The following SUMF1 variants were observed in gnomAD, a reference collection of about 807,000 sequenced individuals.
SUMF1 encodes the protein formylglycine-generating enzyme.
A neutral mutation model predicts 47.6 loss-of-function variants in SUMF1; 48 were observed. That is an observed-to-expected ratio of 1.01 (90% CI 0.80 to 1.28). The LOEUF is 1.28. SUMF1 is among the 50% of genes most tolerant of loss of function. SUMF1 has a pLI of 0.00. For synonymous variants in SUMF1, 230 were observed against 192.1 expected, an observed-to-expected ratio of 1.20 and a Z score of -1.63; for missense variants, 571 against 485.4, an observed-to-expected ratio of 1.18 and a Z score of -1.66.
At chr3:4,263,734 C>A (rs1454474046) in intron 8 of SUMF1, among the ~76,000 whole-genome samples, 4 of 152,170 alleles carry the variant, frequency 2.6e-5, no homozygotes, top group Non-Finnish European at 5.9e-5. Context: ...TTATTAAGTT[C>A]TCTTAATACT....
chr3:4,268,007 C>A (rs554094692), intron 8 of SUMF1, among the ~76,000 whole-genome samples: 24 of 151,978 alleles, frequency 1.6e-4, no homozygotes, highest in African/African-American at 5.8e-4. Context: ...CAATGATAGA[C>A]TGGATTAAGA....
rs1696931536 is a variant in SUMF1 at position 4,255,581 on chromosome 3, T to C, written c.1014+120749A>G. ...AAGAGCTAACTATCCTAAATATATA[T>C]GCACCCAACACAGGAGCACCCAGAT... On this transcript the variant is annotated intron_variant and NMD_transcript_variant, in intron 8 of 12. Transcript: ENST00000448413. Among the ~76,000 whole-genome samples the C allele has an allele frequency of 2.4e-5, 2 of 83,888 alleles. 1 individual carries two copies. Among genetic ancestry groups the C allele is most frequent in the Non-Finnish European group, 4.8e-5 (2 of 41,390 alleles). The allele number at this position is 83,888 out of a possible 152,430, so 55.0% of individuals were successfully genotyped here. A position where few individuals can be genotyped will look rare whatever the true frequency, so the allele number is the denominator to read the frequency against.
chr3:4,240,396 G>A (rs747423743), intron 8 of SUMF1, among the ~76,000 whole-genome samples: 15 of 151,776 alleles, frequency 9.9e-5, no homozygotes, highest in East Asian at 1.9e-4. Context: ...GGTCCTGGGC[G>A]TTTCTTGGAT....
Position 4,108,538 on chromosome 3 carries a change from T to C in SUMF1, c.1015-39793A>G, listed in dbSNP as rs540370823. Among the ~76,000 whole-genome samples, 51 of 152,222 alleles carry C rather than the reference T, an allele frequency of 3.4e-4. No individual in the cohort carries two copies. The East Asian group carries it at 9.1e-3, about 27-fold the overall frequency. On this transcript the variant is annotated intron_variant and NMD_transcript_variant, in intron 8 of 12. Transcript: ENST00000448413. ...GACAGTGGGGTGTTAAAGTCTCCCA[T>C]TACTATGGTGTGGGAGTCTAAGTCT...
At chr3:4,303,594 C>G in intron 8 of SUMF1, 1 of 1,374,958 alleles carries the variant, frequency 7.3e-7, no homozygotes, top group Non-Finnish European at 9.4e-7. Flanking sequence ...CTCAAGCCGC[C>G]TCGCTGGGAC....
chr3:4,175,643 C>G (rs917259094), intron 8 of SUMF1, among the ~76,000 whole-genome samples: 1 of 152,110 alleles, frequency 6.6e-6, no homozygotes. Flanking sequence ...TCCAAAGAAT[C>G]GCAGCTCCTT....
At chr3:4,394,285 T>G (rs1700971562) in intron 7 of SUMF1, among the ~76,000 whole-genome samples, 2 of 152,068 alleles carry the variant, frequency 1.3e-5, no homozygotes, top group African/African-American at 4.8e-5. Flanking sequence ...TCCTACCACC[T>G]CAGCTTCCTG....
intron 8 of SUMF1, among the ~76,000 whole-genome samples, chr3:4,336,438 G>A (rs1158947010): frequency 2.0e-5 from 3 of 152,128 alleles, no homozygotes; most frequent in South Asian, 2.1e-4. Flanking sequence ...GTGAAAAGAG[G>A]GAGTAGAGCA....
At chr3:4,367,370 C>G (rs1371689615) in intron 8 of SUMF1, among the ~76,000 whole-genome samples, 1 of 152,198 alleles carries the variant, frequency 6.6e-6, no homozygotes, top group Non-Finnish European at 1.5e-5. Context: ...GTGGTGGGCT[C>G]CACCCATTTC....
At chr3:4,150,771 A>G (rs1049363957) in intron 8 of SUMF1, among the ~76,000 whole-genome samples, 1 of 151,562 alleles carries the variant, frequency 6.6e-6, no homozygotes, top group African/African-American at 2.4e-5. Flanking sequence ...CTTTTGTATC[A>G]TCATAGCTGG....
At chr3:4,296,761 A>C (rs995087961) in intron 8 of SUMF1, among the ~76,000 whole-genome samples, 4 of 151,998 alleles carry the variant, frequency 2.6e-5, no homozygotes, top group African/African-American at 9.7e-5. Flanking sequence ...TAATTATCCA[A>C]CCCACACTGT....
chr3:4,117,714 C>T (rs960782), intron 8 of SUMF1, among the ~76,000 whole-genome samples: 66,151 of 151,340 alleles, frequency 0.44, 14,627 homozygotes, highest in African/African-American at 0.48. Context: ...ATTTGGAGCA[C>T]GGCATTAGAA....
intron 8 of SUMF1, among the ~76,000 whole-genome samples, chr3:4,346,099 A>C (rs1235054912): frequency 1.3e-5 from 2 of 152,104 alleles, no homozygotes; most frequent in African/African-American, 4.8e-5. Context: ...ACACTCCACT[A>C]TCAGTATTAG....
At chr3:4,327,853 C>A (rs1473445530) in intron 8 of SUMF1, among the ~76,000 whole-genome samples, 2 of 152,088 alleles carry the variant, frequency 1.3e-5, no homozygotes, top group African/African-American at 2.4e-5. Flanking sequence ...CACTTGATAT[C>A]ACAAAATAGG....
At chr3:4,463,870 T>A (rs1340243749) in intron 1 of SUMF1, among the ~76,000 whole-genome samples, 1 of 152,238 alleles carries the variant, frequency 6.6e-6, no homozygotes, top group East Asian at 1.9e-4. Flanking sequence ...ATTAGGATAA[T>A]TTTCTCAATG....
chr3:4,227,029 C>T (rs1280854931), intron 8 of SUMF1, among the ~76,000 whole-genome samples: 1 of 152,094 alleles, frequency 6.6e-6, no homozygotes, highest in Non-Finnish European at 1.5e-5. Flanking sequence ...GGCACTTTCC[C>T]TAATAATGCT....
intron 8 of SUMF1, among the ~76,000 whole-genome samples, chr3:4,162,601 C>T (rs989301812): frequency 6.6e-6 from 1 of 152,164 alleles, no homozygotes; most frequent in Non-Finnish European, 1.5e-5. Context: ...CACTGAGTTT[C>T]AATGTAAAGT....
At chr3:4,050,748 CA>C (rs34228101) in intron 9 of SUMF1, among the ~76,000 whole-genome samples, 1,008 of 86,942 alleles carry the variant, frequency 0.012, 5 homozygotes, top group African/African-American at 0.036. Context: ...GACCCTGTCT[CA>C]AAAAAAAAAA....
downstream of SUMF1, among the ~76,000 whole-genome samples, chr3:4,360,101 G>T (rs555563680): frequency 1.3e-4 from 20 of 152,130 alleles, no homozygotes; most frequent in African/African-American, 4.6e-4. Context: ...AAAAATATAT[G>T]CAGGCGGGAG....
Sources: allele counts gnomAD v4.1 joint callset (sites outside exome capture counted in the v4.1 genomes callset), GRCh38; gene constraint gnomAD v4.1.1; transcripts MANE v1.5; gene names NCBI Gene and HGNC (gene_info 2026-07-23, HGNC 2026-07-21).